The following ZNF529 variants were observed in gnomAD, a reference collection of about 807,000 sequenced individuals.
The protein encoded by ZNF529 is zinc finger protein 529.
ZNF529 carries 11 observed loss-of-function variants against 10.1 expected under a neutral mutation model. That is an observed-to-expected ratio of 1.09 (90% CI 0.69 to 1.81). ZNF529 has a LOEUF of 1.81. ZNF529 is among the 40% of genes most tolerant of loss of function. The pLI, the probability that ZNF529 is intolerant of heterozygous loss-of-function variation, is 0.00. For synonymous variants in ZNF529, 204 were observed against 215.7 expected, an observed-to-expected ratio of 0.95 and a Z score of 0.47; for missense variants, 624 against 666.8, an observed-to-expected ratio of 0.94 and a Z score of 0.71.
At chr19:36,580,276 T>C (rs1230856067) in intron 2 of ZNF529, 1 of 151,754 alleles carries the variant, frequency 6.6e-6, no homozygotes, top group Non-Finnish European at 1.5e-5. Context: ...TTTTTTTTAA[T>C]AAGTAGAAGG....
chr19:36,573,091 GTC>G, intron 1 of ZNF529, 47 bp downstream of exon 1: 2 of 204,466 alleles, frequency 9.8e-6, no homozygotes, highest in South Asian at 1.4e-4. Context: ...TAGGGTCTCC[GTC>G]TCTCACACAC....
Position 36,548,007 on chromosome 19 carries a change from A to C in ZNF529, c.551T>G (p.Leu184Ter), listed in dbSNP as rs776307242. The C allele has an allele frequency of 3.7e-5, 59 of 1,613,610 alleles. No individual in the cohort carries two copies. The highest frequency in any genetic ancestry group is 4.8e-5 in the Non-Finnish European group (57 of 1,179,806). Residue 184 changes from leucine (L) to a stop codon, truncating the protein, a stop_gained, in exon 5 of 5, where the codon TTA becomes TGA. Coordinates refer to ENST00000591340, the MANE Select transcript of ZNF529 (RefSeq NM_020951.5). LOFTEE classifies it low-confidence loss of function (END_TRUNC). ...KEYEKVFSCDLEFDEYQKIHT... is the reference protein window; with the variant it reads ...KEYEKVFSCD ...TATTTTCTGATATTCATCAAACTCT[A>C]AGTCACAACTGAAGACCTTCTCATA...
At chr19:36,562,618 G>T (rs982416960) in intron 2 of ZNF529, among the ~76,000 whole-genome samples, 1 of 151,656 alleles carries the variant, frequency 6.6e-6, no homozygotes, top group Non-Finnish European at 1.5e-5. Context: ...GGCGGATCAC[G>T]AGGTCAGGAA....
chr19:36,588,733 G>A (rs1202354624), intron 2 of ZNF529, among the ~76,000 whole-genome samples: 1 of 152,150 alleles, frequency 6.6e-6, no homozygotes, highest in Non-Finnish European at 1.5e-5. Context: ...AGCAAGAAGT[G>A]GGGAGAGAAG....
At chr19:36,575,023 A>ATAAAACC, upstream of ZNF529, 1 of 426,940 alleles carries the variant, frequency 2.3e-6, no homozygotes, top group South Asian at 1.7e-5. Flanking sequence ...CTATGTTTGT[A>ATAAAACC]TGGAATTATA....
At chr19:36,554,843 T>C (rs2035404937) in intron 3 of ZNF529, 47 bp from the exon 4 acceptor site, 1 of 1,465,452 alleles carries the variant, frequency 6.8e-7, no homozygotes, top group Non-Finnish European at 9.1e-7. Context: ...AAGGAAATAT[T>C]TTTGAGAAAA....
At chr19:36,597,534 TC>T (rs982123787) in intron 1 of ZNF529, among the ~76,000 whole-genome samples, 4 of 152,296 alleles carry the variant, frequency 2.6e-5, no homozygotes, top group Admixed American at 2.6e-4. Flanking sequence ...CATACATACA[TC>T]ATACAATCCA....
chr19:36,589,707 A>G (rs759922367), intron 1 of ZNF529: 12 of 120,350 alleles, frequency 1.0e-4, no homozygotes, highest in Non-Finnish European at 2.0e-4. Flanking sequence ...AGCAACTGGC[A>G]AAAAAAAAAA....
intron 2 of ZNF529, chr19:36,582,228 G>A (rs1264621487): frequency 6.6e-6 from 1 of 152,142 alleles, no homozygotes; most frequent in Non-Finnish European, 1.5e-5. Context: ...AAAAGTTGTG[G>A]ATGTTGGTTG....
chr19:36,567,017 A>G (rs2035924940), intron 2 of ZNF529, among the ~76,000 whole-genome samples: 1 of 151,672 alleles, frequency 6.6e-6, no homozygotes, highest in Non-Finnish European at 1.5e-5. Flanking sequence ...CTGTCTCCAA[A>G]AAAAAAAAAA....
At chr19:36,573,295 C>A (rs879637251), upstream of ZNF529, 5 of 349,776 alleles carry the variant, frequency 1.4e-5, no homozygotes, top group Non-Finnish European at 3.0e-5. Context: ...ATAACCACAA[C>A]ACCGGAAAAG....
At chr19:36,596,740 G>A (rs1352138646) in intron 1 of ZNF529, among the ~76,000 whole-genome samples, 1 of 151,628 alleles carries the variant, frequency 6.6e-6, no homozygotes, top group East Asian at 2.0e-4. Flanking sequence ...TGCTGGTCTC[G>A]AACTCCTGAC....
chr19:36,578,493 G>A (rs948808735), intron 2 of ZNF529, among the ~76,000 whole-genome samples: 6 of 151,166 alleles, frequency 4.0e-5, no homozygotes, highest in Admixed American at 3.3e-4. Flanking sequence ...TTTTAGTAGA[G>A]ATGGGGTTTC....
intron 2 of ZNF529, among the ~76,000 whole-genome samples, chr19:36,565,142 T>A (rs1360322053): frequency 6.6e-6 from 1 of 152,096 alleles, no homozygotes; most frequent in Admixed American, 6.5e-5. Flanking sequence ...GGTACTAGGT[T>A]CACTATCTGG....
At position 36,572,503 on chromosome 19, in the gene ZNF529, A is replaced by G. The variant is rs2036160164; in HGVS notation, c.-46-111T>C. ...ACACACAACAAACACACCCAGATCG[A>G]AGAGGGAAACTAGAATACTGTCGAC... is the stretch of plus-strand genomic sequence containing the variant. On this transcript the variant is annotated intron_variant, in intron 1 of 4. Transcript: ENST00000591340. 3 of 800,974 alleles carry G rather than the reference A, an allele frequency of 3.7e-6. No homozygotes were observed. In the Admixed American group the frequency reaches 8.5e-5, roughly 23 times the overall value. The allele number at this position is 800,974 out of a possible 1,614,324, so 49.6% of individuals were successfully genotyped here. A position where few individuals can be genotyped will look rare whatever the true frequency, so the allele number is the denominator to read the frequency against.
chr19:36,593,110 T>C (rs571842121), intron 1 of ZNF529, among the ~76,000 whole-genome samples: 16 of 152,280 alleles, frequency 1.1e-4, no homozygotes, highest in African/African-American at 3.8e-4. Flanking sequence ...AACCTATAAA[T>C]ACTGGCAAAG....
intron 1 of ZNF529, among the ~76,000 whole-genome samples, chr19:36,601,585 A>C (rs1475820053): frequency 2.0e-5 from 3 of 152,132 alleles, no homozygotes; most frequent in African/African-American, 7.2e-5. Context: ...GAATATCCAC[A>C]TAATAAGGTT....
intron 4 of ZNF529, among the ~76,000 whole-genome samples, chr19:36,554,176 C>A (rs1329960577): frequency 3.3e-5 from 5 of 152,130 alleles, no homozygotes; most frequent in Non-Finnish European, 5.9e-5. Flanking sequence ...TATGAAGGGC[C>A]TAAGAAGGTA....
In ZNF529 at chr19:36,554,770, G is replaced by A. The variant is rs1568582323; in HGVS notation, c.135C>T (p.Val45=). The change falls in exon 4 of 5, where the codon GTC becomes GTT. Residue 45 remains valine (V), a synonymous_variant. Coordinates refer to ENST00000591340, the MANE Select transcript of ZNF529 (RefSeq NM_020951.5). ...DHELVTLRDV[V]INFSQEEWEY... The stretch of plus-strand genomic sequence containing the variant: ...CCCATTCCTCCTGAGAGAAGTTGAT[G>A]ACCACATCCCTGAGTGTCACCAGTT... 6.4e-7 allele frequency: 1 copy of A among 1,573,696 alleles called. No individual in the cohort carries two copies. Among genetic ancestry groups the A allele is most frequent in the East Asian group, 2.3e-5 (1 of 43,080 alleles).
Sources: allele counts gnomAD v4.1 joint callset (sites outside exome capture counted in the v4.1 genomes callset), GRCh38; gene constraint gnomAD v4.1.1; transcripts MANE v1.5; gene names NCBI Gene and HGNC (gene_info 2026-07-23, HGNC 2026-07-21).